The following ATP23 variants were observed in gnomAD, a reference collection of about 807,000 sequenced individuals.
The protein encoded by ATP23 is ATP23 metallopeptidase and ATP synthase assembly factor homolog.
In ATP23, 24 loss-of-function variants were observed where a neutral mutation model predicts 28.5. The observed-to-expected ratio is 0.84, with a 90% CI of 0.61 to 1.18. ATP23 has a LOEUF of 1.18. ATP23 is among the 50% of genes most tolerant of loss of function. The probability of loss-of-function intolerance (pLI) is 0.00; values close to 1 mark genes in which losing one functional copy is unlikely to be tolerated. For missense variants in ATP23, 274 were observed against 306.4 expected (o/e 0.89, Z 0.79); for synonymous variants, 99 against 108.6 (o/e 0.91, Z 0.55).
intron 2 of ATP23, 64 bp from the exon 3 acceptor site, chr12:57,946,931 G>A: frequency 6.8e-7 from 1 of 1,475,886 alleles, no homozygotes; most frequent in East Asian, 2.3e-5. Flanking sequence ...CCTGAGCCCT[G>A]GCCCAGGGCT....
At chr12:57,955,837 C>A (rs1381336961) in intron 5 of ATP23, among the ~76,000 whole-genome samples, 3 of 152,162 alleles carry the variant, frequency 2.0e-5, no homozygotes, top group African/African-American at 7.2e-5. Flanking sequence ...AGCACACTGA[C>A]CAGGCCAATG....
intron 1 of ATP23, 39 bp from the exon 2 acceptor site, chr12:57,945,586 GCTA>G: frequency 6.5e-7 from 1 of 1,529,230 alleles, no homozygotes. Context: ...TTTAATTGGT[GCTA>G]CTTTTCCAAT....
intron 2 of ATP23, among the ~76,000 whole-genome samples, chr12:57,946,446 A>AT (rs369316315): frequency 0.038 from 3,936 of 103,792 alleles, 74 homozygotes; most frequent in Non-Finnish European, 0.059. Context: ...AGTTGAACAA[A>AT]TTTTTTTTTT....
chr12:57,949,498 A>G (rs1956794632), intron 3 of ATP23, among the ~76,000 whole-genome samples: 1 of 151,790 alleles, frequency 6.6e-6, no homozygotes, highest in East Asian at 1.9e-4. Context: ...TTTTTAAGGA[A>G]AAAAAGTTTT....
intron 5 of ATP23, among the ~76,000 whole-genome samples, chr12:57,955,569 T>G (rs1355237350): frequency 6.6e-6 from 1 of 152,166 alleles, no homozygotes; most frequent in Non-Finnish European, 1.5e-5. Context: ...TAACAGAAAT[T>G]TATTATGTCT....
At chr12:57,955,677 C>T (rs1592281377) in intron 5 of ATP23, among the ~76,000 whole-genome samples, 1 of 152,162 alleles carries the variant, frequency 6.6e-6, no homozygotes, top group South Asian at 2.1e-4. Context: ...GGAGAAATTT[C>T]CTCTCTTTTT....
At chr12:57,954,646 G>T (rs1956848515) in intron 5 of ATP23, among the ~76,000 whole-genome samples, 1 of 152,180 alleles carries the variant, frequency 6.6e-6, no homozygotes, top group Non-Finnish European at 1.5e-5. Context: ...TTCTGCCTGG[G>T]CCTGTGTCCA....
rs183053054 is a variant in ATP23 at position 57,953,947 on chromosome 12, C to A, written c.537+258C>A. Among the ~76,000 whole-genome samples, 44 of 152,180 alleles carry A rather than the reference C, an allele frequency of 2.9e-4. 2 individuals carry two copies. The South Asian group carries it at 7.7e-3, about 27-fold the overall frequency. On this transcript the variant is annotated intron_variant, in intron 5 of 5. Coordinates refer to ENST00000300145, the MANE Select transcript of ATP23 (RefSeq NM_033276.4). The stretch of plus-strand genomic sequence containing the variant: ...TGGTGCGGTGGCTTATGCCTCCCAG[C>A]AGTTTGGGAGGCCGAGGCGGGCGGA...
intron 5 of ATP23, among the ~76,000 whole-genome samples, chr12:57,954,510 C>CA (rs1956847005): frequency 6.6e-6 from 1 of 151,878 alleles, no homozygotes; most frequent in African/African-American, 2.4e-5. Flanking sequence ...GTGAACAAAA[C>CA]AAAAACAAAA....
chr12:57,957,641 T>C lies in ATP23; in HGVS notation c.*751T>C, dbSNP rs1328474117. ...CCCACTGGAGAAACTGAAGGTCTGT[T>C]TGTGGGAGAAGTTTCCGACCTTACC... On this transcript the variant is annotated 3_prime_UTR_variant, in exon 6 of 6. Coordinates refer to ENST00000300145, the MANE Select transcript of ATP23 (RefSeq NM_033276.4). Among the ~76,000 whole-genome samples, 1 of 152,028 alleles carries C rather than the reference T, an allele frequency of 6.6e-6. No homozygotes were observed. The highest frequency in any genetic ancestry group is 1.5e-5 in the Non-Finnish European group (1 of 68,014).
chr12:57,954,914 G>A (rs914127947), intron 5 of ATP23, among the ~76,000 whole-genome samples: 10 of 152,054 alleles, frequency 6.6e-5, no homozygotes, highest in Admixed American at 1.3e-4. Context: ...TGGAAAGGGT[G>A]ATTACTCTAG....
chr12:57,943,981 C>CTT (rs766959594), intron 1 of ATP23, among the ~76,000 whole-genome samples: 3 of 95,008 alleles, frequency 3.2e-5, no homozygotes, highest in Non-Finnish European at 6.6e-5. Context: ...ATGGGAGTCT[C>CTT]TTTTTTTTTT....
Position 57,942,745 on chromosome 12 carries a change from G to A in ATP23, c.187+857G>A, listed in dbSNP as rs145002782. On this transcript the variant is annotated intron_variant, in intron 1 of 5. Coordinates refer to ENST00000300145, the MANE Select transcript of ATP23 (RefSeq NM_033276.4). ...GCCCAAAGTGTATTTTTTTTTGGTCGGGGGAGAGAGTTAATAGCTTCATCA... is the reference window on the plus strand; with the variant it reads ...GCCCAAAGTGTATTTTTTTTTGGTCAGGGGAGAGAGTTAATAGCTTCATCA... Among the ~76,000 whole-genome samples, 10 of 151,682 alleles carry A rather than the reference G, an allele frequency of 6.6e-5. No homozygotes were observed. The East Asian group carries it at 1.7e-3, about 26-fold the overall frequency.
intron 1 of ATP23, among the ~76,000 whole-genome samples, chr12:57,943,929 A>G (rs1209126692): frequency 6.6e-6 from 1 of 150,708 alleles, no homozygotes; most frequent in African/African-American, 2.4e-5. Flanking sequence ...CAGCTTTAAA[A>G]TGCTATCCCT....
rs934984754 is a variant in ATP23 at position 57,957,712 on chromosome 12, G to A, written c.*822G>A. Among the ~76,000 whole-genome samples, 2 of 152,220 alleles carry A rather than the reference G, an allele frequency of 1.3e-5. No homozygotes were observed. Among genetic ancestry groups the A allele is most frequent in the Non-Finnish European group, 2.9e-5 (2 of 68,038 alleles). ...GAGCCGAGCGAAATACAGGGGTAGAGCAAGCAGCAGGAAGGCCCAGGGAGC... is the reference window on the plus strand; with the variant it reads ...GAGCCGAGCGAAATACAGGGGTAGAACAAGCAGCAGGAAGGCCCAGGGAGC... On this transcript the variant is annotated 3_prime_UTR_variant, in exon 6 of 6. Transcript: ENST00000300145.
rs184422707 is a variant in ATP23 at position 57,947,014 on chromosome 12, C to T, written c.253C>T (p.His85Tyr). The change falls in exon 3 of 6, where the codon CAC becomes TAC. Residue 85 changes from histidine to tyrosine, a missense_variant. His to Tyr is a moderately conservative substitution (Grantham distance 83). Coordinates refer to ENST00000300145, the MANE Select transcript of ATP23 (RefSeq NM_033276.4). ...TTTTAGTGCTGTTAACAAAGATAGA[C>T]ACTTTTCTTGCGAAGACTGTAATGG... ...HSGCAVNKDR[H>Y]FSCEDCNGNV... 609 of 1,613,934 alleles carry T rather than the reference C, an allele frequency of 3.8e-4. 2 individuals carry two copies. In the Admixed American group the frequency reaches 0.01, roughly 27 times the overall value.
intron 1 of ATP23, among the ~76,000 whole-genome samples, chr12:57,944,886 G>T (rs139638018): frequency 6.6e-6 from 1 of 152,294 alleles, no homozygotes; most frequent in African/African-American, 2.4e-5. Flanking sequence ...AAGAGCTTCA[G>T]TGGCAGGTCC....
At chr12:57,944,143 A>G (rs1956737157) in intron 1 of ATP23, among the ~76,000 whole-genome samples, 1 of 151,590 alleles carries the variant, frequency 6.6e-6, no homozygotes, top group Non-Finnish European at 1.5e-5. Flanking sequence ...ATGAATAATA[A>G]TGTGCTTAAT....
intron 2 of ATP23, 86 bp from the exon 3 acceptor site, chr12:57,946,909 G>T (rs1357897017): frequency 3.7e-6 from 4 of 1,082,324 alleles, no homozygotes; most frequent in Non-Finnish European, 4.1e-6. Context: ...TTTACTATAT[G>T]GTGGAGGGTC....
Sources: allele counts gnomAD v4.1 joint callset (sites outside exome capture counted in the v4.1 genomes callset), GRCh38; gene constraint gnomAD v4.1.1; transcripts MANE v1.5; gene names NCBI Gene and HGNC (gene_info 2026-07-23, HGNC 2026-07-21).